Variants in SIPA1L2 observed in about 807,000 individuals in gnomAD.
SIPA1L2 encodes the protein signal-induced proliferation-associated 1-like protein 2.
In SIPA1L2, 56 loss-of-function variants were observed where a neutral mutation model predicts 163.9. That is an observed-to-expected ratio of 0.34 (90% CI 0.28 to 0.43). SIPA1L2 has a LOEUF of 0.43. Among genes scored for constraint, SIPA1L2 ranks in the 20% least tolerant of loss-of-function variants. SIPA1L2 has a pLI of 1.00. For missense variants in SIPA1L2, 1,974 were observed against 2,193.5 expected, an observed-to-expected ratio of 0.90 and a Z score of 2.00; for synonymous variants, 877 against 865.7, an observed-to-expected ratio of 1.01 and a Z score of -0.23.
At chr1:232,476,451 A>C (rs981856815) in intron 7 of SIPA1L2, among the ~76,000 whole-genome samples, 2 of 152,100 alleles carry the variant, frequency 1.3e-5, no homozygotes, top group African/African-American at 4.8e-5. Context: ...TTGAAGAAAG[A>C]ATTTCGTTGC....
At chr1:232,402,841 G>T in intron 21 of SIPA1L2, 1 of 180,422 alleles carries the variant, frequency 5.5e-6, no homozygotes, top group Non-Finnish European at 1.2e-5. Flanking sequence ...CGTTACCAAT[G>T]TGAACATGCA....
At chr1:232,505,673 C>G (rs568255870) in intron 3 of SIPA1L2, among the ~76,000 whole-genome samples, 1 of 152,236 alleles carries the variant, frequency 6.6e-6, no homozygotes, top group Admixed American at 6.5e-5. Flanking sequence ...CCACATGGAG[C>G]CCGTGCGACC....
intron 19 of SIPA1L2, among the ~76,000 whole-genome samples, chr1:232,408,661 C>T (rs539328424): frequency 2.0e-5 from 3 of 152,144 alleles, no homozygotes; most frequent in African/African-American, 7.2e-5. Context: ...ATTTATTGTG[C>T]ATTTGTCTTT....
intron 18 of SIPA1L2, 191 bp from the exon 19 acceptor site, chr1:232,415,816 G>A (rs868122561): frequency 5.7e-5 from 29 of 510,368 alleles, no homozygotes; most frequent in African/African-American, 3.5e-4. Flanking sequence ...GTCAGAACAC[G>A]GGCACCACTG....
At chr1:232,443,577 TA>T in intron 12 of SIPA1L2, 24 bp downstream of exon 12, 1 of 1,542,326 alleles carries the variant, frequency 6.5e-7, no homozygotes, top group Non-Finnish European at 8.8e-7. Flanking sequence ...TCCCAGTGGA[TA>T]ACTAAGATAA....
Position 232,551,129 on chromosome 1 carries a change from T to C in SIPA1L2, c.-270+23045A>G, listed in dbSNP as rs144252323. 1.6e-3 allele frequency among the ~76,000 whole-genome samples: 249 copies of C among 152,288 alleles called. 1 individual carries two copies. Among genetic ancestry groups the C allele is most frequent in the African/African-American group, 5.8e-3 (242 of 41,544 alleles). On this transcript the variant is annotated intron_variant, in intron 2 of 22. Transcript: ENST00000674635. ...TGTTTTCTCATCTGTAAAGAGTTAA[T>C]GAAGCAAACAGTAGGGCTGGTGGGA...
chr1:232,471,279 AAAT>A (rs1664784668), intron 8 of SIPA1L2, 89 bp downstream of exon 8: 1 of 1,354,248 alleles, frequency 7.4e-7, no homozygotes. Flanking sequence ...ACAAAGTTGC[AAAT>A]AATAATTGGC....
intron 3 of SIPA1L2, among the ~76,000 whole-genome samples, chr1:232,504,731 A>C (rs1666644003): frequency 6.6e-6 from 1 of 152,218 alleles, no homozygotes; most frequent in Non-Finnish European, 1.5e-5. Context: ...AAGGCATTAC[A>C]GTGAAGACAA....
intron 10 of SIPA1L2, among the ~76,000 whole-genome samples, chr1:232,446,517 T>C (rs1041300579): frequency 2.0e-5 from 3 of 152,230 alleles, no homozygotes; most frequent in African/African-American, 7.2e-5. Context: ...CTCAATAAAC[T>C]TGTAGAAAAA....
At chr1:232,512,969 G>A (rs371642555) in intron 3 of SIPA1L2, among the ~76,000 whole-genome samples, 120 of 152,280 alleles carry the variant, frequency 7.9e-4, no homozygotes, top group African/African-American at 2.7e-3. Flanking sequence ...GCAGGAAGAG[G>A]GCTGACGGGT....
chr1:232,468,317 G>A (rs1421874589), intron 8 of SIPA1L2, among the ~76,000 whole-genome samples: 1 of 152,168 alleles, frequency 6.6e-6, no homozygotes, highest in Admixed American at 6.5e-5. Context: ...CAAACAGAAA[G>A]ATAAGCATTC....
intron 2 of SIPA1L2, among the ~76,000 whole-genome samples, chr1:232,538,312 A>G (rs995125868): frequency 1.3e-5 from 2 of 152,182 alleles, no homozygotes; most frequent in African/African-American, 4.8e-5. Flanking sequence ...GGGGCAGATG[A>G]GGAAGGTCTC....
At chr1:232,552,113 T>TA (rs1658427946) in intron 2 of SIPA1L2, among the ~76,000 whole-genome samples, 1 of 152,184 alleles carries the variant, frequency 6.6e-6, no homozygotes, top group Non-Finnish European at 1.5e-5. Context: ...GTGCTGGGAT[T>TA]ACAGGCGTGA....
chr1:232,561,124 C>T (rs1333794489), intron 2 of SIPA1L2, among the ~76,000 whole-genome samples: 1 of 152,212 alleles, frequency 6.6e-6, no homozygotes, highest in African/African-American at 2.4e-5. Context: ...GCAATCTCCA[C>T]GTCAACTGAT....
At chr1:232,587,031 G>T (rs1032557536) in intron 1 of SIPA1L2, among the ~76,000 whole-genome samples, 1 of 152,194 alleles carries the variant, frequency 6.6e-6, no homozygotes, top group Non-Finnish European at 1.5e-5. Flanking sequence ...CAGGAAGGTG[G>T]GATGGGAGGG....
intron 19 of SIPA1L2, among the ~76,000 whole-genome samples, chr1:232,405,689 C>T (rs560765348): frequency 6.6e-6 from 1 of 152,176 alleles, no homozygotes; most frequent in Admixed American, 6.5e-5. Flanking sequence ...CTTTACTGAC[C>T]AGAAAAGGAA....
At chr1:232,512,902 G>A (rs115767615) in intron 3 of SIPA1L2, among the ~76,000 whole-genome samples, 311 of 152,296 alleles carry the variant, frequency 2.0e-3, no homozygotes, top group African/African-American at 7.1e-3. Flanking sequence ...GGAGAGTAGC[G>A]GGGCCCACCC....
chr1:232,436,462 C>T (rs1319875203), intron 15 of SIPA1L2, among the ~76,000 whole-genome samples: 2 of 152,142 alleles, frequency 1.3e-5, no homozygotes, highest in East Asian at 3.9e-4. Context: ...GATGGTCACC[C>T]CGGTCAGTTC....
At position 232,624,482 on chromosome 1, in the gene SIPA1L2, C is replaced by A. The variant is rs1381197823; in HGVS notation, c.-319+5387G>T. ...CAGGACACTATGTCTTAAGCATTAA[C>A]CAGAACTTTCTTTTAAAACTCCACA... On this transcript the variant is annotated intron_variant, in intron 1 of 22. Coordinates refer to ENST00000674635, the MANE Select transcript of SIPA1L2 (RefSeq NM_020808.5). Among the ~76,000 whole-genome samples, 3 of 152,208 alleles carry A rather than the reference C, an allele frequency of 2.0e-5. No homozygotes were observed. The East Asian group carries it at 5.8e-4, about 29-fold the overall frequency.
Sources: gnomAD v4.1 joint callset for allele counts (sites outside exome capture counted in the v4.1 genomes callset) on GRCh38, gnomAD v4.1.1 for gene constraint, MANE v1.5 for transcripts, NCBI Gene and HGNC (gene_info 2026-07-23, HGNC 2026-07-21) for gene names.